Variants in TCERG1L observed in about 807,000 individuals in gnomAD.
The protein encoded by TCERG1L is transcription elongation regulator 1-like protein.
A neutral mutation model predicts 56.3 loss-of-function variants in TCERG1L; 37 were observed. That is an observed-to-expected ratio of 0.66 (90% CI 0.51 to 0.87). The LOEUF is 0.87. Ranked by LOEUF, TCERG1L falls within the 40% of genes least tolerant of loss-of-function variation. TCERG1L has a pLI of 0.00. For missense variants in TCERG1L, 799 were observed against 774.2 expected, an observed-to-expected ratio of 1.03 and a Z score of -0.38; for synonymous variants, 324 against 326.3, an observed-to-expected ratio of 0.99 and a Z score of 0.08.
intron 4 of TCERG1L, among the ~76,000 whole-genome samples, chr10:131,182,874 A>G (rs999192): frequency 0.12 from 17,657 of 152,284 alleles, 1,158 homozygotes; most frequent in East Asian, 0.28. Flanking sequence ...TTTCTAAAGG[A>G]AAGTTATTCC....
At chr10:131,210,536 C>T (rs919508077) in intron 4 of TCERG1L, among the ~76,000 whole-genome samples, 1 of 152,206 alleles carries the variant, frequency 6.6e-6, no homozygotes, top group African/African-American at 2.4e-5. Context: ...GGAAAAATTC[C>T]AGGCTTCACC....
At chr10:131,207,617 G>A (rs1008191124) in intron 4 of TCERG1L, among the ~76,000 whole-genome samples, 4 of 152,200 alleles carry the variant, frequency 2.6e-5, no homozygotes, top group Non-Finnish European at 4.4e-5. Context: ...CCTGAATATG[G>A]AGAAAGCTTC....
chr10:131,176,917 T>TGTACACAGAC (rs1846163275), intron 4 of TCERG1L, among the ~76,000 whole-genome samples: 13 of 34,666 alleles, frequency 3.8e-4, no homozygotes, highest in Admixed American at 6.6e-4. Context: ...CACACCAAGA[T>TGTACACAGAC]ACATGCACAC....
At chr10:131,137,927 C>T (rs1465738282) in intron 7 of TCERG1L, among the ~76,000 whole-genome samples, 1 of 152,146 alleles carries the variant, frequency 6.6e-6, no homozygotes, top group Non-Finnish European at 1.5e-5. Flanking sequence ...AGTATTTCAG[C>T]TCTCTGGAAG....
At chr10:131,184,574 G>A in intron 4 of TCERG1L, among the ~76,000 whole-genome samples, 1 of 152,224 alleles carries the variant, frequency 6.6e-6, no homozygotes, top group East Asian at 1.9e-4. Context: ...CTACCAAGTA[G>A]TTGGCTCCTG....
intron 6 of TCERG1L, among the ~76,000 whole-genome samples, chr10:131,158,047 T>G (rs1010310712): frequency 2.0e-5 from 3 of 152,264 alleles, no homozygotes; most frequent in Non-Finnish European, 4.4e-5. Flanking sequence ...ATTAATGCTT[T>G]CAAGGAGGCC....
intron 7 of TCERG1L, among the ~76,000 whole-genome samples, chr10:131,135,610 C>T (rs1425511081): frequency 6.6e-6 from 1 of 152,202 alleles, no homozygotes; most frequent in Admixed American, 6.5e-5. Flanking sequence ...GCTCTGGAAG[C>T]CCCGGCTCAT....
chr10:131,122,559 C>G (rs10741241), intron 8 of TCERG1L, among the ~76,000 whole-genome samples: 110,905 of 152,216 alleles, frequency 0.73, 40,937 homozygotes, highest in East Asian at 0.99. Flanking sequence ...CAAATGCAGA[C>G]GGACAGAGGC....
chr10:131,166,729 G>A, intron 5 of TCERG1L, 68 bp downstream of exon 5: 1 of 1,484,536 alleles, frequency 6.7e-7, no homozygotes, highest in Non-Finnish European at 9.4e-7. Flanking sequence ...GCGTGAGGGT[G>A]TCCTGGCCCT....
intron 4 of TCERG1L, among the ~76,000 whole-genome samples, chr10:131,198,382 C>T (rs540787295): frequency 6.6e-6 from 1 of 152,270 alleles, no homozygotes; most frequent in Non-Finnish European, 1.5e-5. Flanking sequence ...CTCCTGAGGG[C>T]CAGGACTCAC....
At chr10:131,093,615 C>T (rs1172505778) in intron 11 of TCERG1L, among the ~76,000 whole-genome samples, 3 of 152,226 alleles carry the variant, frequency 2.0e-5, no homozygotes, top group Non-Finnish European at 4.4e-5. Flanking sequence ...GTCACTCCCC[C>T]AGCCGCCCCG....
At chr10:131,170,024 T>A (rs949082393) in intron 4 of TCERG1L, among the ~76,000 whole-genome samples, 3 of 152,140 alleles carry the variant, frequency 2.0e-5, no homozygotes, top group African/African-American at 7.2e-5. Flanking sequence ...GGAGATATTG[T>A]TGATGATCAT....
chr10:131,202,357 G>A (rs552230256), intron 4 of TCERG1L, among the ~76,000 whole-genome samples: 126 of 152,160 alleles, frequency 8.3e-4, no homozygotes, highest in Non-Finnish European at 1.6e-3. Context: ...CGAGGAGGGC[G>A]GATCACCTGA....
In TCERG1L at chr10:131,107,086, C is replaced by T. The variant is rs118065728; in HGVS notation, c.1396-2732G>A. Among the ~76,000 whole-genome samples the T allele has an allele frequency of 7.7e-3, 1,162 of 151,564 alleles. 11 individuals carry two copies. The highest frequency in any genetic ancestry group is 0.022 in the South Asian group (103 of 4,786). ...GCTGGGACTCAGGGCGAGGTGGCAACTCTGGGAGGGTCTCCAAGCAGAATG... is the reference window on the plus strand; with the variant it reads ...GCTGGGACTCAGGGCGAGGTGGCAATTCTGGGAGGGTCTCCAAGCAGAATG... On this transcript the variant is annotated intron_variant, in intron 9 of 11. Transcript: ENST00000368642.
intron 4 of TCERG1L, among the ~76,000 whole-genome samples, chr10:131,186,827 C>A (rs1297004287): frequency 2.6e-5 from 4 of 152,200 alleles, no homozygotes; most frequent in Non-Finnish European, 4.4e-5. Context: ...TGTTTTTTCT[C>A]ATCGGCTGGT....
intron 6 of TCERG1L, among the ~76,000 whole-genome samples, chr10:131,155,296 A>G (rs1845907556): frequency 6.6e-6 from 1 of 152,226 alleles, no homozygotes; most frequent in Non-Finnish European, 1.5e-5. Context: ...GTTATTTCAC[A>G]CAAATGGATG....
At chr10:131,102,348 T>C (rs1845311968) in intron 10 of TCERG1L, among the ~76,000 whole-genome samples, 1 of 151,680 alleles carries the variant, frequency 6.6e-6, no homozygotes, top group Non-Finnish European at 1.5e-5. Flanking sequence ...ATGAGCAGAG[T>C]GGTGGGTCGA....
At chr10:131,115,630 C>G (rs1052793885) in intron 9 of TCERG1L, among the ~76,000 whole-genome samples, 1 of 132,396 alleles carries the variant, frequency 7.6e-6, no homozygotes, top group Non-Finnish European at 1.7e-5. Context: ...CCCTGAGGCC[C>G]AGGGCTGTGT....
At chr10:131,215,412 T>G (rs1845660255) in intron 4 of TCERG1L, among the ~76,000 whole-genome samples, 1 of 152,198 alleles carries the variant, frequency 6.6e-6, no homozygotes, top group Non-Finnish European at 1.5e-5. Context: ...AAATGGAAAT[T>G]TTCAATCCAA....
Sources: gnomAD v4.1 joint callset for allele counts (sites outside exome capture counted in the v4.1 genomes callset) on GRCh38, gnomAD v4.1.1 for gene constraint, MANE v1.5 for transcripts, NCBI Gene and HGNC (gene_info 2026-07-23, HGNC 2026-07-21) for gene names.